Variants in SRPX observed in about 807,000 individuals in gnomAD.
SRPX encodes the protein sushi repeat-containing protein SRPX.
Under a neutral mutation model 38.1 loss-of-function variants are expected in SRPX, and 24 were observed. That is an observed-to-expected ratio of 0.63 (90% confidence interval 0.46 to 0.89). The LOEUF (loss-of-function observed/expected upper bound fraction) is 0.89, where lower values mean the gene tolerates loss of function less well. SRPX is among the 40% of genes least tolerant of loss of function. The probability of loss-of-function intolerance (pLI) is 0.00; values close to 1 mark genes in which losing one functional copy is unlikely to be tolerated. For missense variants in SRPX, 416 were observed against 377.8 expected (o/e 1.10, Z -0.84); for synonymous variants, 184 against 153.8 (o/e 1.20, Z -1.45).
intron 8 of SRPX, among the ~76,000 whole-genome samples, 167 bp from the exon 9 acceptor site, chrX:38,154,750 T>C (rs914514064): frequency 1.8e-5 from 2 of 112,271 alleles, no homozygotes; most frequent in Middle Eastern, 4.6e-3. Flanking sequence ...ATAGTGGCTA[T>C]AAAACCTAAA....
At chrX:38,186,904 G>C (rs1938799502) in intron 1 of SRPX, among the ~76,000 whole-genome samples, 1 of 111,297 alleles carries the variant, frequency 9.0e-6, no homozygotes, top group Non-Finnish European at 1.9e-5. Flanking sequence ...CTCTATCCTT[G>C]CTTAGCTCTT....
rs151107277 is a variant in SRPX at position 38,213,776 on chromosome X, C to T, written c.97+6920G>A. On this transcript the variant is annotated intron_variant, in intron 1 of 9. Transcript: ENST00000378533. ...GGAAACTTGCAATCAAGGCAGAAGG[C>T]GAAGGAGAAGCAGGCATGTCTTACA... Among the ~76,000 whole-genome samples the T allele has an allele frequency of 7.6e-3, 854 of 111,653 alleles. 5 individuals carry two copies. Among genetic ancestry groups the T allele is most frequent in the Middle Eastern group, 0.018 (4 of 218 alleles).
intron 1 of SRPX, among the ~76,000 whole-genome samples, chrX:38,208,136 G>A (rs190990212): frequency 2.0e-3 from 226 of 111,558 alleles, no homozygotes; most frequent in African/African-American, 6.8e-3. Flanking sequence ...TTTATGCCCC[G>A]CCCACACATA....
chrX:38,150,022 C>T (rs966389595), intron 9 of SRPX, 128 bp from the exon 10 acceptor site: 6 of 535,845 alleles, frequency 1.1e-5, no homozygotes, highest in Non-Finnish European at 1.7e-5. Context: ...CTGAATCATC[C>T]TTTAGACCCT....
At chrX:38,165,508 C>T (rs1342422828) in intron 4 of SRPX, among the ~76,000 whole-genome samples, 2 of 111,627 alleles carry the variant, frequency 1.8e-5, no homozygotes, top group Non-Finnish European at 3.8e-5. Flanking sequence ...ATGGCAATTG[C>T]CCCAGGCAAG....
At chrX:38,156,464 C>T (rs1184679828) in intron 8 of SRPX, among the ~76,000 whole-genome samples, 1 of 111,611 alleles carries the variant, frequency 9.0e-6, no homozygotes, top group Non-Finnish European at 1.9e-5. Flanking sequence ...TGCTTCTGGT[C>T]CGGTCCATGG....
intron 9 of SRPX, among the ~76,000 whole-genome samples, chrX:38,150,927 C>T (rs1937999488): frequency 8.9e-6 from 1 of 111,748 alleles, no homozygotes; most frequent in Admixed American, 9.5e-5. Flanking sequence ...TAAATGAGCC[C>T]ACTCAGTCTC....
rs370732542 is a variant in SRPX at position 38,160,914 on chromosome X, C to T, written c.775+19G>A. On this transcript the variant is annotated intron_variant, in intron 6 of 9. Transcript: ENST00000378533. ...TTCTAAAGAGAGGGGGAAACAAAAC[C>T]AATAAGCAGTACTCTTACCTCTTAC... The T allele has an allele frequency of 5.0e-6, 6 of 1,203,278 alleles. No individual in the cohort carries two copies. In the African/African-American group the frequency reaches 8.8e-5, roughly 18 times the overall value.
At chrX:38,191,951 T>C (rs1938914326) in intron 1 of SRPX, among the ~76,000 whole-genome samples, 1 of 112,361 alleles carries the variant, frequency 8.9e-6, no homozygotes, top group African/African-American at 3.2e-5. Context: ...ACTAGTTTTT[T>C]ACAGGGTTCC....
chrX:38,177,563 T>C (rs1938588666), intron 2 of SRPX, among the ~76,000 whole-genome samples: 1 of 101,984 alleles, frequency 9.8e-6, no homozygotes, highest in Non-Finnish European at 2.0e-5. Flanking sequence ...TTTTTTTTTT[T>C]CAAATTCTTC....
chrX:38,177,460 C>T (rs1938585988), intron 2 of SRPX, among the ~76,000 whole-genome samples: 3 of 110,667 alleles, frequency 2.7e-5, no homozygotes, highest in African/African-American at 9.9e-5. Flanking sequence ...GTATCTGAGA[C>T]ACATCACAAC....
chrX:38,180,908 G>T (rs1938657754), intron 1 of SRPX, among the ~76,000 whole-genome samples: 1 of 112,010 alleles, frequency 8.9e-6, no homozygotes, highest in Non-Finnish European at 1.9e-5. Context: ...TTTAAAATAT[G>T]GCAAAGCTCA....
chrX:38,206,671 G>A (rs1180938273), intron 1 of SRPX, among the ~76,000 whole-genome samples: 1 of 111,851 alleles, frequency 8.9e-6, no homozygotes, highest in Non-Finnish European at 1.9e-5. Flanking sequence ...ATCCCAGGAA[G>A]CATAGCGATG....
At chrX:38,181,685 A>T (rs1043061818) in intron 1 of SRPX, among the ~76,000 whole-genome samples, 1 of 111,923 alleles carries the variant, frequency 8.9e-6, no homozygotes, top group African/African-American at 3.2e-5. Flanking sequence ...AGCCCTTCCA[A>T]TTTTGTGAGT....
intron 5 of SRPX, 76 bp downstream of exon 5, chrX:38,164,693 T>A: frequency 9.0e-7 from 1 of 1,110,923 alleles, no homozygotes; most frequent in South Asian, 2.1e-5. Flanking sequence ...CCAGCATATA[T>A]ACACTCCCCT....
Position 38,156,919 on chromosome X carries a change from G to A in SRPX, c.1066C>T (p.Arg356Trp), listed in dbSNP as rs200568595. The A allele has an allele frequency of 4.1e-5, 50 of 1,209,179 alleles. No homozygotes were observed. Among genetic ancestry groups the A allele is most frequent in the Middle Eastern group, 2.4e-4 (1 of 4,231 alleles). Residue 356 changes from arginine to tryptophan, a missense_variant, in exon 8 of 10, where the codon CGG (arginine) becomes TGG (tryptophan). By Grantham distance (101) the Arg-to-Trp change is moderately radical. Transcript: ENST00000378533. ...STPTARNLLY[R>W]LQLGMLQQAQ... is the part of the protein sequence containing the mutation. ...ACCTGCAGCATTCCTAGCTGGAGCC[G>A]GTAAAGGAGGTTTCGGGCTGTGGGT...
chrX:38,175,969 G>C (rs1255108528), intron 2 of SRPX, among the ~76,000 whole-genome samples: 3 of 111,480 alleles, frequency 2.7e-5, no homozygotes, highest in Non-Finnish European at 3.8e-5. Flanking sequence ...GGGGGATATT[G>C]GATGCCTGAA....
chrX:38,171,227 A>T (rs1056162526), intron 4 of SRPX, among the ~76,000 whole-genome samples: 42 of 111,452 alleles, frequency 3.8e-4, no homozygotes, highest in African/African-American at 1.3e-3. Context: ...AGTGCCTTAG[A>T]TCAGTAGCTC....
chrX:38,218,964 G>GGGCA (rs1939462213), intron 1 of SRPX, among the ~76,000 whole-genome samples: 1 of 111,146 alleles, frequency 9.0e-6, no homozygotes, highest in Admixed American at 9.6e-5. Context: ...CAGAGCCGGA[G>GGGCA]GGCAGGTTAG....
Sources: gnomAD v4.1 joint callset for allele counts (sites outside exome capture counted in the v4.1 genomes callset) on GRCh38, gnomAD v4.1.1 for gene constraint, MANE v1.5 for transcripts, NCBI Gene and HGNC (gene_info 2026-07-23, HGNC 2026-07-21) for gene names.